SEMA4D: variants seen among roughly 807,000 people sequenced by gnomAD.
SEMA4D encodes the protein semaphorin-4D.
Under a neutral mutation model 74.8 loss-of-function variants are expected in SEMA4D, and 22 were observed. That is an observed-to-expected ratio of 0.29 (90% CI 0.21 to 0.42). SEMA4D has a LOEUF of 0.42. Among genes scored for constraint, SEMA4D ranks in the 10% least tolerant of loss-of-function variants. SEMA4D has a pLI of 1.00. For synonymous variants in SEMA4D, 445 were observed against 463.7 expected, an observed-to-expected ratio of 0.96 and a Z score of 0.52; for missense variants, 937 against 1,118.4, an observed-to-expected ratio of 0.84 and a Z score of 2.31.
At chr9:89,393,111 C>T (rs551129274) in intron 7 of SEMA4D, among the ~76,000 whole-genome samples, 13 of 152,288 alleles carry the variant, frequency 8.5e-5, no homozygotes, top group Admixed American at 6.5e-5. Flanking sequence ...ATTTCATGCT[C>T]CATGTTCAGC....
At chr9:89,464,791 T>C (rs1209125498) in intron 1 of SEMA4D, among the ~76,000 whole-genome samples, 2 of 151,820 alleles carry the variant, frequency 1.3e-5, no homozygotes, top group African/African-American at 4.8e-5. Flanking sequence ...CCCCGCCTCC[T>C]GGAGAGGGCT....
At chr9:89,424,257 A>C (rs565155489) in intron 2 of SEMA4D, among the ~76,000 whole-genome samples, 2 of 152,326 alleles carry the variant, frequency 1.3e-5, no homozygotes, top group South Asian at 2.1e-4. Flanking sequence ...AATGTTACAA[A>C]CAACCAACAA....
intron 2 of SEMA4D, among the ~76,000 whole-genome samples, chr9:89,440,342 A>C (rs528717515): frequency 2.0e-5 from 3 of 152,190 alleles, no homozygotes; most frequent in African/African-American, 7.2e-5. Context: ...GTATAGCTAC[A>C]TGAGTATCTC....
chr9:89,486,377 T>C (rs1365716121), intron 1 of SEMA4D, among the ~76,000 whole-genome samples: 1 of 152,124 alleles, frequency 6.6e-6, no homozygotes. Context: ...GTTATGAAAA[T>C]TTTCCATACC....
chr9:89,362,398 GT>G (rs1832827442), exon 19 of SEMA4D: 1 of 1,613,954 alleles, frequency 6.2e-7, no homozygotes, highest in Non-Finnish European at 8.5e-7. Flanking sequence ...CTCCTTCCTG[GT>G]GGCTACAGGG....
chr9:89,491,962 C>T (rs1365040709), intron 1 of SEMA4D, among the ~76,000 whole-genome samples: 2 of 152,134 alleles, frequency 1.3e-5, no homozygotes, highest in Admixed American at 6.5e-5. Context: ...GTCTCTGTCC[C>T]TCCCACCCAC....
chr9:89,452,185 T>G (rs1291309227), intron 2 of SEMA4D, among the ~76,000 whole-genome samples: 3 of 147,342 alleles, frequency 2.0e-5, no homozygotes, highest in Non-Finnish European at 4.5e-5. Flanking sequence ...TTTTTTTGTT[T>G]TTTTTTTTTT....
chr9:89,471,816 G>C (rs1462603922), intron 1 of SEMA4D, among the ~76,000 whole-genome samples: 1 of 135,544 alleles, frequency 7.4e-6, no homozygotes, highest in Non-Finnish European at 1.6e-5. Context: ...TGGCTCAGGT[G>C]CATACAGGCT....
intron 1 of SEMA4D, among the ~76,000 whole-genome samples, chr9:89,477,493 G>A (rs1862065552): frequency 6.6e-6 from 1 of 152,138 alleles, no homozygotes; most frequent in African/African-American, 2.4e-5. Context: ...AGGCCCCAGG[G>A]ACACACAGCA....
intron 1 of SEMA4D, among the ~76,000 whole-genome samples, chr9:89,483,692 C>T (rs1263702057): frequency 9.9e-6 from 1 of 101,190 alleles, no homozygotes; most frequent in African/African-American, 3.3e-5. Context: ...TAGTTAAGGG[C>T]GGCTGTTATG....
At chr9:89,404,869 T>A (rs1299932988) in intron 3 of SEMA4D, among the ~76,000 whole-genome samples, 2 of 137,788 alleles carry the variant, frequency 1.5e-5, no homozygotes, top group Admixed American at 1.4e-4. Flanking sequence ...TCCCAGGAAG[T>A]GGAGTCCCCA....
At chr9:89,433,469 G>A (rs1357813917) in intron 2 of SEMA4D, among the ~76,000 whole-genome samples, 1 of 152,250 alleles carries the variant, frequency 6.6e-6, no homozygotes, top group Non-Finnish European at 1.5e-5. Flanking sequence ...CCAACCAGCA[G>A]CCACTGCAGA....
intron 2 of SEMA4D, among the ~76,000 whole-genome samples, chr9:89,414,818 G>C (rs888386413): frequency 6.6e-6 from 1 of 152,226 alleles, no homozygotes; most frequent in Non-Finnish European, 1.5e-5. Flanking sequence ...GCCAGGACCA[G>C]TCTACTTCAC....
intron 7 of SEMA4D, among the ~76,000 whole-genome samples, chr9:89,393,046 C>T (rs542920060): frequency 1.3e-5 from 2 of 152,324 alleles, no homozygotes; most frequent in Non-Finnish European, 2.9e-5. Flanking sequence ...TGTCCTCCCG[C>T]CTGAGCCTCC....
chr9:89,443,917 A>G (rs1587932430), intron 2 of SEMA4D, among the ~76,000 whole-genome samples: 1 of 152,306 alleles, frequency 6.6e-6, no homozygotes, highest in East Asian at 1.9e-4. Context: ...AGGGGCCCAG[A>G]GTCAGGCAGC....
At chr9:89,371,110 TGGGGGG>T (rs146015047) in intron 16 of SEMA4D, among the ~76,000 whole-genome samples, 1 of 5,232 alleles carries the variant, frequency 1.9e-4, no homozygotes, top group East Asian at 6.5e-3. Context: ...AAGGTGTGTG[TGGGGGG>T]GTGTGGTGTG....
At chr9:89,386,822 T>C (rs1838620339) in intron 12 of SEMA4D, 10 of 288,018 alleles carry the variant, frequency 3.5e-5, no homozygotes, top group Non-Finnish European at 6.0e-5. Flanking sequence ...GGGGTGTCAC[T>C]GGTAAGTGCC....
chr9:89,434,383 A>G (rs1849944081), intron 2 of SEMA4D, among the ~76,000 whole-genome samples: 2 of 152,250 alleles, frequency 1.3e-5, no homozygotes, highest in South Asian at 4.1e-4. Context: ...AACGGTATGC[A>G]GGCCCTCAAA....
At chr9:89,372,048 G>A (rs2132489266) in intron 16 of SEMA4D, among the ~76,000 whole-genome samples, 1 of 54,136 alleles carries the variant, frequency 1.8e-5, no homozygotes, top group Non-Finnish European at 3.9e-5. Context: ...GGGTGTGTGT[G>A]TCGGGTGTGG....
Sources: gnomAD v4.1 joint callset for allele counts (sites outside exome capture counted in the v4.1 genomes callset) on GRCh38, gnomAD v4.1.1 for gene constraint, MANE v1.5 for transcripts, NCBI Gene and HGNC (gene_info 2026-07-23, HGNC 2026-07-21) for gene names.